The following SAMD5 variants were observed in gnomAD, a reference collection of about 807,000 sequenced individuals.
SAMD5 encodes the protein sterile alpha motif domain-containing protein 5.
SAMD5 carries 13 observed loss-of-function variants against 11.3 expected under a neutral mutation model. The observed-to-expected ratio is 1.15, with a 90% CI of 0.75 to 1.83. SAMD5 has a LOEUF of 1.83. Among genes scored for constraint, SAMD5 ranks in the 40% most tolerant of loss-of-function variants. SAMD5 has a pLI of 0.00. For missense variants in SAMD5, 255 were observed against 239.1 expected (o/e 1.07, Z -0.44); for synonymous variants, 129 against 111.3 (o/e 1.16, Z -1.00).
the SAMD5 span, among the ~76,000 whole-genome samples, chr6:147,827,562 C>G: frequency 6.6e-6 from 1 of 152,070 alleles, no homozygotes; most frequent in Non-Finnish European, 1.5e-5. Context: ...TAGTGGAGCC[C>G]GAGCCAAGAT....
chr6:147,638,406 G>A (rs1448831493), intron 1 of SAMD5, among the ~76,000 whole-genome samples: 2 of 152,108 alleles, frequency 1.3e-5, no homozygotes, highest in Non-Finnish European at 2.9e-5. Flanking sequence ...ATTTGATTTT[G>A]TTTTAAAGTA....
the SAMD5 span, among the ~76,000 whole-genome samples, chr6:147,947,251 GT>G: frequency 6.6e-6 from 1 of 152,164 alleles, no homozygotes; most frequent in Non-Finnish European, 1.5e-5. Context: ...GCTCACAAGA[GT>G]TTTTGCAACA....
At chr6:147,779,754 A>G in the SAMD5 span, among the ~76,000 whole-genome samples, 1 of 152,202 alleles carries the variant, frequency 6.6e-6, no homozygotes, top group Non-Finnish European at 1.5e-5. Context: ...TGAAGGGAAG[A>G]TGGATGTGGG....
intron 1 of SAMD5, among the ~76,000 whole-genome samples, chr6:147,581,371 G>A (rs1789294902): frequency 6.6e-6 from 1 of 152,178 alleles, no homozygotes; most frequent in African/African-American, 2.4e-5. Flanking sequence ...GATCTGTCCT[G>A]GAGATGAATG....
chr6:147,683,899 A>C (rs73011982), intron 1 of SAMD5, among the ~76,000 whole-genome samples: 17,498 of 152,224 alleles, frequency 0.11, 1,101 homozygotes, highest in Middle Eastern at 0.16. Context: ...TTATGAAATA[A>C]TTACAAATAT....
intron 1 of SAMD5, among the ~76,000 whole-genome samples, chr6:147,714,580 G>A (rs1374505647): frequency 2.0e-5 from 3 of 152,312 alleles, no homozygotes; most frequent in African/African-American, 7.2e-5. Flanking sequence ...GTTAGGAAAA[G>A]ATAATCCAAT....
intron 1 of SAMD5, among the ~76,000 whole-genome samples, chr6:147,597,104 G>A (rs17387507): frequency 0.091 from 13,827 of 152,150 alleles, 782 homozygotes; most frequent in Middle Eastern, 0.15. Context: ...GTTAGCCAGC[G>A]AATATTTTAG....
At chr6:147,624,629 G>A (rs758776378) in intron 1 of SAMD5, among the ~76,000 whole-genome samples, 4 of 152,018 alleles carry the variant, frequency 2.6e-5, no homozygotes, top group African/African-American at 7.3e-5. Flanking sequence ...TTATCCACTC[G>A]TTGATTGATG....
the SAMD5 span, among the ~76,000 whole-genome samples, chr6:147,873,807 C>T: frequency 6.6e-6 from 1 of 152,064 alleles, no homozygotes; most frequent in African/African-American, 2.4e-5. Flanking sequence ...CTTCTTTATT[C>T]ATTGAGCTAG....
the SAMD5 span, among the ~76,000 whole-genome samples, chr6:147,772,466 T>C: frequency 6.6e-6 from 1 of 152,196 alleles, no homozygotes; most frequent in Non-Finnish European, 1.5e-5. Context: ...TATCAGTTTG[T>C]TCAGGCTGTC....
chr6:147,659,769 T>G (rs961977008), intron 1 of SAMD5, among the ~76,000 whole-genome samples: 1 of 152,184 alleles, frequency 6.6e-6, no homozygotes. Context: ...TTTATAGCAT[T>G]AGGGTGTATT....
chr6:147,779,031 C>T, the SAMD5 span, among the ~76,000 whole-genome samples: 1 of 151,144 alleles, frequency 6.6e-6, no homozygotes, highest in Non-Finnish European at 1.5e-5. Flanking sequence ...ATCATGTGAC[C>T]AAAACATGTC....
At chr6:147,698,496 A>G (rs1791210162) in intron 1 of SAMD5, among the ~76,000 whole-genome samples, 1 of 152,172 alleles carries the variant, frequency 6.6e-6, no homozygotes, top group Non-Finnish European at 1.5e-5. Flanking sequence ...GTGGAAAAAA[A>G]TAATATTCAG....
chr6:147,767,048 G>GTA, the SAMD5 span, among the ~76,000 whole-genome samples: 3 of 152,202 alleles, frequency 2.0e-5, no homozygotes, highest in Non-Finnish European at 4.4e-5. Flanking sequence ...TCAGTAAACA[G>GTA]TATTTCATTG....
intron 1 of SAMD5, among the ~76,000 whole-genome samples, chr6:147,686,726 C>A (rs1791017368): frequency 6.6e-6 from 1 of 150,382 alleles, no homozygotes; most frequent in Non-Finnish European, 1.5e-5. Flanking sequence ...TTTTTCCTCA[C>A]TCAACGTATT....
At chr6:147,583,668 C>T (rs958269563) in intron 1 of SAMD5, among the ~76,000 whole-genome samples, 13 of 152,170 alleles carry the variant, frequency 8.5e-5, no homozygotes, top group African/African-American at 1.2e-4. Context: ...CAGCCCTGTA[C>T]TGAAATGAGA....
At position 147,568,542 on chromosome 6, in the gene SAMD5, C is replaced by A. The variant is rs1583087934; in HGVS notation, c.*4086C>A. 1 of 985,198 alleles carries A rather than the reference C, an allele frequency of 1.0e-6. No individual in the cohort carries two copies. The highest frequency in any genetic ancestry group is 4.7e-5 in the South Asian group (1 of 21,258). The allele number at this position is 985,198 out of a possible 1,614,324, so 61.0% of individuals were successfully genotyped here. ...TAAGAGAAATAAGTGAAAGTCTGAC[C>A]CTACATTGCCAATTCTCAGACCAAG... On this transcript the variant is annotated 3_prime_UTR_variant, in exon 2 of 2. Coordinates refer to ENST00000367474, the MANE Select transcript of SAMD5 (RefSeq NM_001030060.3).
At chr6:147,742,530 C>T (rs139680971), downstream of SAMD5, among the ~76,000 whole-genome samples, 279 of 152,260 alleles carry the variant, frequency 1.8e-3, 6 homozygotes, top group East Asian at 0.047. Flanking sequence ...ATCAGGAAAA[C>T]ATTTCATTCC....
intron 1 of SAMD5, among the ~76,000 whole-genome samples, chr6:147,667,802 A>G (rs987499386): frequency 6.6e-6 from 1 of 152,170 alleles, no homozygotes; most frequent in Non-Finnish European, 1.5e-5. Flanking sequence ...CAGTTTAAAT[A>G]TCAGAGTAAA....
Sources: allele counts gnomAD v4.1 joint callset (sites outside exome capture counted in the v4.1 genomes callset), GRCh38; gene constraint gnomAD v4.1.1; transcripts MANE v1.5; gene names NCBI Gene and HGNC (gene_info 2026-07-23, HGNC 2026-07-21).